Variants in HIVEP3 observed in about 807,000 individuals in gnomAD.
The protein encoded by HIVEP3 is transcription factor HIVEP3.
Under a neutral mutation model 152.8 loss-of-function variants are expected in HIVEP3, and 49 were observed. The observed-to-expected ratio is 0.32, with a 90% CI of 0.26 to 0.41. The LOEUF (loss-of-function observed/expected upper bound fraction) is 0.41. Ranked by LOEUF, HIVEP3 falls within the 10% of genes least tolerant of loss-of-function variation. The pLI is 1.00. For missense variants in HIVEP3, 2,790 were observed against 3,103.3 expected, an observed-to-expected ratio of 0.90 and a Z score of 2.40; for synonymous variants, 1,269 against 1,289.0, an observed-to-expected ratio of 0.98 and a Z score of 0.33.
chr1:41,940,638 T>C (rs1006019351), intron 1 of HIVEP3, among the ~76,000 whole-genome samples: 6 of 151,970 alleles, frequency 3.9e-5, no homozygotes, highest in Non-Finnish European at 5.9e-5. Flanking sequence ...AGAGGCCAGG[T>C]AGTCAATGTA....
intron 1 of HIVEP3, among the ~76,000 whole-genome samples, chr1:41,779,334 C>T (rs1443331171): frequency 6.6e-6 from 1 of 152,198 alleles, no homozygotes; most frequent in East Asian, 1.9e-4. Context: ...GGGTAAACTG[C>T]TCTTGGTGAC....
chr1:41,891,482 G>C (rs1159309418), intron 1 of HIVEP3, among the ~76,000 whole-genome samples: 1 of 152,190 alleles, frequency 6.6e-6, no homozygotes, highest in African/African-American at 2.4e-5. Flanking sequence ...ACCACAGCAA[G>C]GTCCATGCTG....
chr1:41,928,687 C>T (rs1644980234), intron 1 of HIVEP3, among the ~76,000 whole-genome samples: 1 of 152,116 alleles, frequency 6.6e-6, no homozygotes, highest in Non-Finnish European at 1.5e-5. Context: ...TGCCCTTGAC[C>T]CTTTTGAAGA....
rs568346320 is a variant in HIVEP3 at position 41,885,566 on chromosome 1, G to T, written c.-801+32847C>A. Among the ~76,000 whole-genome samples, 143 of 152,350 alleles carry T rather than the reference G, an allele frequency of 9.4e-4. 2 individuals carry two copies. Among genetic ancestry groups the T allele is most frequent in the African/African-American group, 3.3e-3 (138 of 41,594 alleles). On this transcript the variant is annotated intron_variant, in intron 1 of 8. Transcript: ENST00000372583. ...CTGTAGTTCCAGCTACGCGGAGGCTGAGGCATGAGAATCACTTGAACCCAA... is the reference window on the plus strand; with the variant it reads ...CTGTAGTTCCAGCTACGCGGAGGCTTAGGCATGAGAATCACTTGAACCCAA...
chr1:41,597,644 C>A (rs1005087465), intron 3 of HIVEP3, among the ~76,000 whole-genome samples: 1 of 152,198 alleles, frequency 6.6e-6, no homozygotes, highest in African/African-American at 2.4e-5. Flanking sequence ...GCAGTGGTGA[C>A]CCTCAAGGCA....
intron 5 of HIVEP3, among the ~76,000 whole-genome samples, chr1:41,544,842 A>ACCATCACCT (rs1558046264): frequency 1.7e-5 from 1 of 58,972 alleles, no homozygotes; most frequent in Non-Finnish European, 3.8e-5. Flanking sequence ...CACCACCACC[A>ACCATCACCT]CTACCACCAC....
At chr1:41,776,333 C>T (rs533505993) in intron 1 of HIVEP3, among the ~76,000 whole-genome samples, 6 of 152,362 alleles carry the variant, frequency 3.9e-5, no homozygotes, top group African/African-American at 7.2e-5. Context: ...GAGGCAGAGA[C>T]GTTCCCTGAG....
At chr1:41,946,488 A>T (rs998150998) in intron 1 of HIVEP3, among the ~76,000 whole-genome samples, 1 of 152,202 alleles carries the variant, frequency 6.6e-6, no homozygotes, top group African/African-American at 2.4e-5. Flanking sequence ...ACAGCCAGTC[A>T]CTACATACTT....
In HIVEP3 at chr1:41,664,632, G is replaced by A. The variant is rs549853670; in HGVS notation, c.-720-35685C>T. Among the ~76,000 whole-genome samples the A allele has an allele frequency of 5.3e-5, 8 of 152,294 alleles. No homozygotes were observed. The East Asian group carries it at 1.4e-3, about 26-fold the overall frequency. On this transcript the variant is annotated intron_variant, in intron 2 of 8. Coordinates refer to ENST00000372583, the MANE Select transcript of HIVEP3 (RefSeq NM_024503.5). The surrounding 1 kb of genome is among the most constrained non-coding windows in gnomAD (Gnocchi z 4.4). ...ACAAATGTTTGTTAAGTGAATGAAT[G>A]GTCCTGAGGGGCAAATCCTAAGACA...
chr1:42,030,647 A>G (rs1645607811), intron 1 of HIVEP3, among the ~76,000 whole-genome samples: 1 of 152,092 alleles, frequency 6.6e-6, no homozygotes, highest in Non-Finnish European at 1.5e-5. Context: ...ATAATCACAC[A>G]TGTCGATTAT....
chr1:41,660,215 T>C (rs1277375400), intron 2 of HIVEP3, among the ~76,000 whole-genome samples: 3 of 152,206 alleles, frequency 2.0e-5, no homozygotes, highest in East Asian at 3.8e-4. Context: ...GAGAGATGAC[T>C]GTGGTACCAT....
intron 1 of HIVEP3, among the ~76,000 whole-genome samples, chr1:41,969,351 C>A (rs1426606946): frequency 1.3e-5 from 2 of 152,016 alleles, no homozygotes; most frequent in African/African-American, 4.8e-5. Flanking sequence ...GATACTGGTA[C>A]AAAATAGACA....
chr1:41,539,919 A>G (rs1302811656), intron 5 of HIVEP3, among the ~76,000 whole-genome samples: 1 of 152,260 alleles, frequency 6.6e-6, no homozygotes, highest in East Asian at 1.9e-4. Flanking sequence ...TATCGTAGAA[A>G]CCTTGGTACA....
At chr1:41,605,265 T>C (rs1166085813) in intron 3 of HIVEP3, among the ~76,000 whole-genome samples, 4 of 151,542 alleles carry the variant, frequency 2.6e-5, no homozygotes, top group Non-Finnish European at 5.9e-5. Context: ...TGATTTCTAA[T>C]GGGGCAGGTG....
intron 5 of HIVEP3, among the ~76,000 whole-genome samples, chr1:41,559,614 G>A (rs1008316148): frequency 9.2e-5 from 14 of 152,186 alleles, no homozygotes; most frequent in African/African-American, 3.4e-4. Flanking sequence ...GACAGCCATG[G>A]AAGGATGGCA....
At chr1:41,524,646 G>T in intron 6 of HIVEP3, 89 bp downstream of exon 6, 1 of 1,253,766 alleles carries the variant, frequency 8.0e-7, no homozygotes, top group Non-Finnish European at 1.2e-6. Context: ...CCTGCAAAGA[G>T]GTCTGGGCAC....
intron 1 of HIVEP3, among the ~76,000 whole-genome samples, chr1:41,845,875 T>C (rs532916899): frequency 6.6e-6 from 1 of 152,264 alleles, no homozygotes; most frequent in African/African-American, 2.4e-5. Context: ...AAGACCAGCC[T>C]GGCCAACATG....
intron 3 of HIVEP3, among the ~76,000 whole-genome samples, chr1:41,606,734 T>G (rs1381933615): frequency 6.6e-6 from 1 of 151,930 alleles, no homozygotes; most frequent in African/African-American, 2.4e-5. Context: ...TAAAAAACTA[T>G]TTTTTTCAAA....
chr1:41,772,521 A>G (rs1331637746), intron 1 of HIVEP3, among the ~76,000 whole-genome samples: 2 of 152,218 alleles, frequency 1.3e-5, no homozygotes, highest in African/African-American at 4.8e-5. Context: ...GGTGGCAGCC[A>G]TCAGAAGCTA....
Sources: allele counts gnomAD v4.1 joint callset (sites outside exome capture counted in the v4.1 genomes callset), GRCh38; gene constraint gnomAD v4.1.1; non-coding constraint Gnocchi (gnomAD v3.1); transcripts MANE v1.5; gene names NCBI Gene and HGNC (gene_info 2026-07-23, HGNC 2026-07-21).